C5orf47: variants seen among roughly 807,000 people sequenced by gnomAD.
C5orf47 encodes the protein uncharacterized protein C5orf47.
A neutral mutation model predicts 20.6 loss-of-function variants in C5orf47; 20 were observed. The observed-to-expected ratio is 0.97, with a 90% CI of 0.68 to 1.41. The LOEUF is 1.41. Ranked by LOEUF, C5orf47 falls within the 40% of genes most tolerant of loss-of-function variation. C5orf47 has a pLI of 0.00. For synonymous variants in C5orf47, 106 were observed against 97.3 expected (o/e 1.09, Z -0.53); for missense variants, 262 against 238.4 (o/e 1.10, Z -0.65).
At chr5:173,999,946 T>C (rs1490180506) in intron 3 of C5orf47, 147 bp downstream of exon 3, 5 of 530,864 alleles carry the variant, frequency 9.4e-6, no homozygotes, top group Non-Finnish European at 1.7e-5. Flanking sequence ...TTATCACTAT[T>C]CATCATAATT....
rs1759250838 is a variant in C5orf47, at chr5:174,004,395, A to C, written c.*141A>C. 1 of 152,196 alleles carries C rather than the reference A, an allele frequency of 6.6e-6. No homozygotes were observed. Among genetic ancestry groups the C allele is most frequent in the Non-Finnish European group, 1.5e-5 (1 of 68,010 alleles). 9.4% of individuals were successfully genotyped at this position (152,196 alleles called of 1,614,324 possible). A position where few individuals can be genotyped will look rare whatever the true frequency, so the allele number is the denominator to read the frequency against. On this transcript the variant is annotated 3_prime_UTR_variant, in exon 5 of 5. Coordinates refer to ENST00000340147, the MANE Select transcript of C5orf47 (RefSeq NM_001144954.2). ...ATTAGAATTGGGACTTTAGTAGTCG[A>C]ACAGAAAAATTACCTTCTTTATAAA...
intron 1 of C5orf47, among the ~76,000 whole-genome samples, chr5:173,995,599 A>C (rs757136127): frequency 6.6e-6 from 1 of 152,234 alleles, no homozygotes; most frequent in African/African-American, 2.4e-5. Flanking sequence ...GTGAAGGTTA[A>C]ATTAAGTAAT....
At chr5:173,996,307 A>G (rs1024555207) in intron 1 of C5orf47, among the ~76,000 whole-genome samples, 4 of 152,208 alleles carry the variant, frequency 2.6e-5, no homozygotes, top group Non-Finnish European at 2.9e-5. Context: ...CATGAAATAC[A>G]CTGGAGCTAG....
At chr5:173,998,040 C>A in intron 1 of C5orf47, 113 bp from the exon 2 acceptor site, 1 of 655,572 alleles carries the variant, frequency 1.5e-6, no homozygotes, top group Non-Finnish European at 2.7e-6. Context: ...CAGAAATATA[C>A]CAACAAGTAT....
At chr5:173,995,564 A>C (rs1276724775) in intron 1 of C5orf47, among the ~76,000 whole-genome samples, 1 of 152,226 alleles carries the variant, frequency 6.6e-6, no homozygotes, top group African/African-American at 2.4e-5. Flanking sequence ...AATGGGGGTA[A>C]TGGTTCCTAC....
At position 173,999,643 on chromosome 5, in the gene C5orf47, G is replaced by GA. The variant is rs1759161010; in HGVS notation, c.412-53dup. 3.7e-6 allele frequency: 3 copies of GA among 808,474 alleles called. No individual in the cohort carries two copies. In the South Asian group the frequency reaches 6.6e-5, roughly 18 times the overall value. The allele number at this position is 808,474 out of a possible 1,614,324, so 50.1% of individuals were successfully genotyped here. ...TTGAGGCATTCCCAGTTGCCTCCAT[G>GA]AAAATATATTCCTACTTTTCTGCTC... On this transcript the variant is annotated intron_variant, in intron 2 of 4. Coordinates refer to ENST00000340147, the MANE Select transcript of C5orf47 (RefSeq NM_001144954.2).
At chr5:173,990,238 G>A (rs1034074375) in intron 1 of C5orf47, among the ~76,000 whole-genome samples, 18 of 141,370 alleles carry the variant, frequency 1.3e-4, no homozygotes, top group Admixed American at 4.3e-4. Flanking sequence ...TCAGCCTCCC[G>A]AGTAGCTGGG....
At chr5:174,009,027 A>G (rs1294198260), downstream of C5orf47, among the ~76,000 whole-genome samples, 2 of 152,092 alleles carry the variant, frequency 1.3e-5, no homozygotes, top group Admixed American at 1.3e-4. Flanking sequence ...TCTGGACTGA[A>G]GACTGAGCAG....
In C5orf47 at chr5:173,999,601, A is replaced by G. The variant is rs1020609397; in HGVS notation, c.412-99A>G. On this transcript the variant is annotated intron_variant, in intron 2 of 4. Coordinates refer to ENST00000340147, the MANE Select transcript of C5orf47 (RefSeq NM_001144954.2). ...ATATAGCCTTATAATGATGATATCA[A>G]TTGACATACAACACAGTTGAGGCAT... is the stretch of plus-strand genomic sequence containing the variant. The G allele has an allele frequency of 7.9e-6, 4 of 509,390 alleles. No individual in the cohort carries two copies. The African/African-American group carries it at 7.9e-5, about 10-fold the overall frequency. The allele number at this position is 509,390 out of a possible 1,614,324, so 31.6% of individuals were successfully genotyped here. A position where few individuals can be genotyped will look rare whatever the true frequency, so the allele number is the denominator to read the frequency against.
chr5:173,999,952 T>C (rs1218657303), intron 3 of C5orf47, among the ~76,000 whole-genome samples, 153 bp downstream of exon 3: 1 of 151,932 alleles, frequency 6.6e-6, no homozygotes, highest in Non-Finnish European at 1.5e-5. Flanking sequence ...CTATTCATCA[T>C]AATTAGAAGT....
chr5:174,001,436 A>G (rs1429699940), intron 4 of C5orf47, among the ~76,000 whole-genome samples: 2 of 151,996 alleles, frequency 1.3e-5, no homozygotes, highest in African/African-American at 2.4e-5. Context: ...CATGTCCATC[A>G]TGCTATTAGA....
chr5:173,993,271 G>C (rs1334628069), intron 1 of C5orf47, among the ~76,000 whole-genome samples: 1 of 152,092 alleles, frequency 6.6e-6, no homozygotes, highest in East Asian at 1.9e-4. Context: ...TTGTCTTAAA[G>C]TGATGCTGAG....
At chr5:173,989,614 C>CGGGCGCGGCG (rs963931561) in intron 1 of C5orf47, 26 bp downstream of exon 1, 1 of 1,014,004 alleles carries the variant, frequency 9.9e-7, no homozygotes, top group Non-Finnish European at 1.3e-6. Context: ...AGGGCGGGAC[C>CGGGCGCGGCG]GGGCGCGGCG....
downstream of C5orf47, among the ~76,000 whole-genome samples, chr5:174,007,559 C>CTTT (rs113925593): frequency 0.15 from 20,273 of 138,730 alleles, 2,047 homozygotes; most frequent in African/African-American, 0.27. Context: ...ACTCTCCTAC[C>CTTT]TTTTTTTTTT....
chr5:174,009,458 A>G (rs1474264505), downstream of C5orf47, among the ~76,000 whole-genome samples: 2 of 145,814 alleles, frequency 1.4e-5, no homozygotes, highest in Non-Finnish European at 3.1e-5. Context: ...CTTTTCTACT[A>G]TATGCATTTG....
rs184330760 is a variant in C5orf47 at position 173,997,184 on chromosome 5, G to T, written c.326-969G>T. Among the ~76,000 whole-genome samples, 21 of 152,294 alleles carry T rather than the reference G, an allele frequency of 1.4e-4. No individual in the cohort carries two copies. The Middle Eastern group carries it at 0.01, about 74-fold the overall frequency. ...TACCTGAGCAGAGGGTGCTTTGTCA[G>T]ATCAGAGAAGGCTCCCTGGAAAGCT... On this transcript the variant is annotated intron_variant, in intron 1 of 4. Coordinates refer to ENST00000340147, the MANE Select transcript of C5orf47 (RefSeq NM_001144954.2).
rs947532497 is a variant in C5orf47 at position 174,005,456 on chromosome 5, C to G, written c.*1202C>G. 3.9e-5 allele frequency: 6 copies of G among 152,274 alleles called. No homozygotes were observed. Among genetic ancestry groups the G allele is most frequent in the Non-Finnish European group, 8.8e-5 (6 of 68,028 alleles). 9.4% of individuals were successfully genotyped at this position (152,274 alleles called of 1,614,324 possible). ...GTAGAATTTGTGGTAACATGATCTT[C>G]TAGTGACTATTTATCAAATCCACCT... is the stretch of plus-strand genomic sequence containing the variant. On this transcript the variant is annotated 3_prime_UTR_variant, in exon 5 of 5. Transcript: ENST00000340147.
Position 174,006,018 on chromosome 5 carries a change from A to G in C5orf47, c.*1764A>G, listed in dbSNP as rs981920135. 2 of 152,368 alleles carry G rather than the reference A, an allele frequency of 1.3e-5. No homozygotes were observed. The highest frequency in any genetic ancestry group is 4.8e-5 in the African/African-American group (2 of 41,460). The allele number at this position is 152,368 out of a possible 1,614,324, so 9.4% of individuals were successfully genotyped here. A position where few individuals can be genotyped will look rare whatever the true frequency, so the allele number is the denominator to read the frequency against. ...TTATGTTAAATAGAATATAATAAAC[A>G]TAAGACTTTTCTTTACTGATACATC... On this transcript the variant is annotated 3_prime_UTR_variant, in exon 5 of 5. Transcript: ENST00000340147.
rs72814721 is a variant in C5orf47, at chr5:173,989,188, C to G, written c.-76C>G. On this transcript the variant is annotated 5_prime_UTR_variant, in exon 1 of 5. Transcript: ENST00000340147. ...TGGCCCTAACCGCTCCCGCATCCCT[C>G]GCCTGCACAGTGGGCAGTCTGGCGC... 3 of 1,307,366 alleles carry G rather than the reference C, an allele frequency of 2.3e-6. No individual in the cohort carries two copies. The highest frequency in any genetic ancestry group is 7.6e-5 in the Admixed American group (2 of 26,272). The allele number at this position is 1,307,366 out of a possible 1,614,324, so 81.0% of individuals were successfully genotyped here.
Sources: gnomAD v4.1 joint callset for allele counts (sites outside exome capture counted in the v4.1 genomes callset) on GRCh38, gnomAD v4.1.1 for gene constraint, MANE v1.5 for transcripts, NCBI Gene and HGNC (gene_info 2026-07-23, HGNC 2026-07-21) for gene names.